DNAJB1: variants seen among roughly 807,000 people sequenced by gnomAD.
DNAJB1 encodes the protein DnaJ heat shock protein family (Hsp40) member B1.
A neutral mutation model predicts 24.0 loss-of-function variants in DNAJB1; 14 were observed. That is an observed-to-expected ratio of 0.58 (90% CI 0.39 to 0.91). The LOEUF (loss-of-function observed/expected upper bound fraction) is 0.91, where lower values mean the gene tolerates loss of function less well. Among genes scored for constraint, DNAJB1 ranks in the 40% least tolerant of loss-of-function variants. The probability of loss-of-function intolerance (pLI) is 0.00; values close to 1 mark genes in which losing one functional copy is unlikely to be tolerated. For missense variants in DNAJB1, 517 were observed against 458.1 expected (o/e 1.13, Z -1.17); for synonymous variants, 262 against 174.4 (o/e 1.50, Z -3.96).
intron 2 of DNAJB1, chr19:14,527,248 C>G (rs1462628066): frequency 8.4e-6 from 1 of 118,732 alleles, no homozygotes; most frequent in Non-Finnish European, 1.6e-5. Context: ...GTGGTGTGAT[C>G]TCTGCTCACT....
At chr19:14,529,584 G>T, upstream of DNAJB1, 3 of 1,535,716 alleles carry the variant, frequency 2.0e-6, no homozygotes, top group Non-Finnish European at 2.7e-6. Context: ...CGGGGCGGAC[G>T]CAGAGCCGCG....
chr19:14,529,666 C>A (rs907232562), upstream of DNAJB1: 5 of 1,613,744 alleles, frequency 3.1e-6, no homozygotes. Context: ...CAGCAGCAGC[C>A]GCGGAGCAGT....
upstream of DNAJB1, among the ~76,000 whole-genome samples, chr19:14,534,226 G>A (rs571807713): frequency 6.6e-5 from 10 of 151,424 alleles, no homozygotes; most frequent in African/African-American, 2.2e-4. Flanking sequence ...CCGGGTTCAC[G>A]CCATTCTCCT....
At chr19:14,522,748 T>C (rs2072377323), upstream of DNAJB1, among the ~76,000 whole-genome samples, 1 of 151,216 alleles carries the variant, frequency 6.6e-6, no homozygotes, top group South Asian at 2.1e-4. Flanking sequence ...TGGCTCTGGC[T>C]CTGTGTCTTT....
chr19:14,541,562 GA>G (rs1432622203), intron 1 of DNAJB1, among the ~76,000 whole-genome samples: 1 of 152,314 alleles, frequency 6.6e-6, no homozygotes, highest in Middle Eastern at 3.4e-3. Flanking sequence ...ATCGTGGGAT[GA>G]ACGAACCACA....
intron 1 of DNAJB1, among the ~76,000 whole-genome samples, chr19:14,538,684 C>T (rs1487577146): frequency 6.6e-6 from 1 of 151,770 alleles, no homozygotes; most frequent in Non-Finnish European, 1.5e-5. Context: ...AGGCACGTGC[C>T]ACCATGCCTG....
chr19:14,544,354 C>T lies in DNAJB1; in HGVS notation c.-214+5854G>A, dbSNP rs540437051. Among the ~76,000 whole-genome samples, 3 of 152,098 alleles carry T rather than the reference C, an allele frequency of 2.0e-5. No individual in the cohort carries two copies. The South Asian group carries it at 6.2e-4, about 32-fold the overall frequency. ...GGAGGGTCTCTGGATACTTGTGGAA[C>T]GAGTATGTGTATGTTTGATAGAGGC... On this transcript the variant is annotated intron_variant, in intron 1 of 3. Coordinates refer to the DNAJB1 transcript ENST00000676982.
chr19:14,551,910 TC>T (rs1449044282), upstream of DNAJB1, among the ~76,000 whole-genome samples: 3 of 140,394 alleles, frequency 2.1e-5, no homozygotes, highest in Admixed American at 7.1e-5. Context: ...TCTCTCTCTC[TC>T]CCCCTCCCTC....
chr19:14,535,550 AT>A (rs2072853642), intron 1 of DNAJB1, among the ~76,000 whole-genome samples: 1 of 8,058 alleles, frequency 1.2e-4, no homozygotes, highest in African/African-American at 4.7e-4. Flanking sequence ...AAAAATATAT[AT>A]ATATATATAT....
intron 1 of DNAJB1, chr19:14,527,925 C>T (rs376809231): frequency 2.0e-5 from 3 of 151,854 alleles, no homozygotes; most frequent in African/African-American, 7.3e-5. Context: ...GAATCTCACT[C>T]TGTCGCCCAG....
At chr19:14,518,020 G>T in intron 1 of DNAJB1, 119 bp downstream of exon 1, 1 of 1,131,576 alleles carries the variant, frequency 8.8e-7, no homozygotes, top group Non-Finnish European at 1.2e-6. Context: ...CGGAGGGCGG[G>T]GCAGCTCGGC....
At chr19:14,555,935 A>G (rs933559815) in intron 1 of DNAJB1, among the ~76,000 whole-genome samples, 6 of 151,420 alleles carry the variant, frequency 4.0e-5, no homozygotes, top group Non-Finnish European at 1.5e-5. Flanking sequence ...TTCTGCCCTC[A>G]CTCCTCCAGT....
At chr19:14,529,852 G>C, upstream of DNAJB1, 1 of 1,159,152 alleles carries the variant, frequency 8.6e-7, no homozygotes, top group South Asian at 1.3e-5. Context: ...CAAGCGTTGC[G>C]CCCCGGGCCA....
At chr19:14,522,383 G>A (rs2146529745), upstream of DNAJB1, among the ~76,000 whole-genome samples, 1 of 151,406 alleles carries the variant, frequency 6.6e-6, no homozygotes, top group Middle Eastern at 3.4e-3. Context: ...ACTTTGGGAG[G>A]CTGAGGCAGG....
chr19:14,559,277 G>A (rs2073835509), intron 1 of DNAJB1, among the ~76,000 whole-genome samples: 3 of 152,034 alleles, frequency 2.0e-5, no homozygotes, highest in South Asian at 2.1e-4. Flanking sequence ...CCTCTGTCTC[G>A]TCCCAGAACA....
At chr19:14,557,839 T>G (rs1185889778) in intron 1 of DNAJB1, among the ~76,000 whole-genome samples, 1 of 151,844 alleles carries the variant, frequency 6.6e-6, no homozygotes, top group Non-Finnish European at 1.5e-5. Context: ...CACTGCAAGC[T>G]CTGCCTCCCG....
At chr19:14,549,427 A>G (rs957869995) in intron 1 of DNAJB1, among the ~76,000 whole-genome samples, 1 of 151,754 alleles carries the variant, frequency 6.6e-6, no homozygotes, top group Non-Finnish European at 1.5e-5. Flanking sequence ...TGGCCAGGCT[A>G]GTCTTGAACT....
chr19:14,540,280 G>T (rs907505848), intron 1 of DNAJB1, among the ~76,000 whole-genome samples: 1 of 151,880 alleles, frequency 6.6e-6, no homozygotes, highest in Non-Finnish European at 1.5e-5. Context: ...GTGTCAGCCA[G>T]GATGGTCTCG....
chr19:14,536,921 C>T (rs2072917836), intron 1 of DNAJB1, among the ~76,000 whole-genome samples: 1 of 148,268 alleles, frequency 6.7e-6, no homozygotes, highest in African/African-American at 2.5e-5. Flanking sequence ...TACGGCCCTA[C>T]TCACCTCTGG....
Sources: gnomAD v4.1 joint callset for allele counts (sites outside exome capture counted in the v4.1 genomes callset) on GRCh38, gnomAD v4.1.1 for gene constraint, MANE v1.5 for transcripts, NCBI Gene and HGNC (gene_info 2026-07-23, HGNC 2026-07-21) for gene names.